CNBD1: variants seen among roughly 807,000 people sequenced by gnomAD.
CNBD1 encodes the protein cyclic nucleotide binding domain containing 1.
A neutral mutation model predicts 54.4 loss-of-function variants in CNBD1; 71 were observed. That is an observed-to-expected ratio of 1.30 (90% CI 1.08 to 1.59). The LOEUF (loss-of-function observed/expected upper bound fraction) is 1.59, where lower values mean the gene tolerates loss of function less well. Ranked by LOEUF, CNBD1 falls within the 40% of genes most tolerant of loss-of-function variation. The pLI, the probability that CNBD1 is intolerant of heterozygous loss-of-function variation, is 0.00. For synonymous variants in CNBD1, 182 were observed against 170.7 expected, an observed-to-expected ratio of 1.07 and a Z score of -0.51; for missense variants, 659 against 518.0, an observed-to-expected ratio of 1.27 and a Z score of -2.64.
rs895732546 is a variant in CNBD1, at chr8:87,279,311, A to C, written c.772-5367A>C. Reference sequence around the variant, plus strand: ...AAGTTAAAAGAGAACAAAATATAGAAAAATATTTGATTAGCTCAAAATTTA... The same window carrying C: ...AAGTTAAAAGAGAACAAAATATAGACAAATATTTGATTAGCTCAAAATTTA... On this transcript the variant is annotated intron_variant, in intron 6 of 10. Transcript: ENST00000518476. Among the ~76,000 whole-genome samples the C allele has an allele frequency of 2.6e-5, 4 of 151,664 alleles. No individual in the cohort carries two copies. The South Asian group carries it at 8.3e-4, about 31-fold the overall frequency.
At chr8:87,013,602 T>A (rs187636067) in intron 4 of CNBD1, among the ~76,000 whole-genome samples, 4 of 150,640 alleles carry the variant, frequency 2.7e-5, no homozygotes, top group African/African-American at 7.3e-5. Flanking sequence ...GATCTAACAG[T>A]TTTTTTTTCT....
chr8:87,173,131 A>G (rs1594520), intron 4 of CNBD1, among the ~76,000 whole-genome samples: 176 of 152,292 alleles, frequency 1.2e-3, no homozygotes, highest in African/African-American at 4.0e-3. Context: ...GCTTGGATAA[A>G]CATACAAATT....
intron 4 of CNBD1, among the ~76,000 whole-genome samples, chr8:87,117,694 CAA>C (rs1811803421): frequency 6.6e-6 from 1 of 152,134 alleles, no homozygotes; most frequent in Non-Finnish European, 1.5e-5. Context: ...AGATAAATTG[CAA>C]AGACTCAACT....
chr8:87,400,242 C>A (rs557217028), intron 2 of CNBD1, among the ~76,000 whole-genome samples: 1 of 151,792 alleles, frequency 6.6e-6, no homozygotes, highest in Non-Finnish European at 1.5e-5. Context: ...TGCATTTTTG[C>A]CATTACTTTT....
chr8:87,425,543 G>C (rs964762428), intron 2 of CNBD1, among the ~76,000 whole-genome samples: 1 of 152,076 alleles, frequency 6.6e-6, no homozygotes, highest in Non-Finnish European at 1.5e-5. Flanking sequence ...TAACACACAG[G>C]ACCCTCAGCT....
intron 4 of CNBD1, among the ~76,000 whole-genome samples, chr8:87,024,053 C>T (rs1009676487): frequency 2.8e-4 from 43 of 151,594 alleles, no homozygotes; most frequent in South Asian, 4.2e-4. Context: ...CTGGCTAACA[C>T]GGTGAAACCC....
intron 6 of CNBD1, among the ~76,000 whole-genome samples, chr8:87,250,582 T>G (rs1807895491): frequency 6.6e-6 from 1 of 152,214 alleles, no homozygotes; most frequent in Non-Finnish European, 1.5e-5. Flanking sequence ...TGAGTGTCCA[T>G]CAACCATTGA....
chr8:87,279,589 T>A (rs924283282), intron 6 of CNBD1, among the ~76,000 whole-genome samples: 2 of 151,394 alleles, frequency 1.3e-5, no homozygotes, highest in Non-Finnish European at 3.0e-5. Flanking sequence ...GTAGGCAAAG[T>A]AGATTTTATT....
In CNBD1 at chr8:87,156,417, T is replaced by C. The variant is rs139462633; in HGVS notation, c.432-49576T>C. On this transcript the variant is annotated intron_variant, in intron 4 of 10. Transcript: ENST00000518476. ...GTACCATCATACCCGGCTACATTTT[T>C]TTATTTTTAATAGAAGCGGATTTTG... is the stretch of plus-strand genomic sequence containing the variant. Among the ~76,000 whole-genome samples, 1,132 of 150,866 alleles carry C rather than the reference T, an allele frequency of 7.5e-3. 15 individuals carry two copies. Among genetic ancestry groups the C allele is most frequent in the African/African-American group, 0.026 (1,050 of 40,810 alleles).
downstream of CNBD1, among the ~76,000 whole-genome samples, chr8:87,387,302 C>G (rs151262142): frequency 3.9e-3 from 593 of 152,112 alleles, no homozygotes; most frequent in African/African-American, 0.013. Flanking sequence ...TTAAAAGACA[C>G]AGACTGGCAA....
chr8:87,390,481 C>T (rs998648697), intron 2 of CNBD1, among the ~76,000 whole-genome samples: 4 of 152,082 alleles, frequency 2.6e-5, no homozygotes, highest in African/African-American at 7.2e-5. Context: ...CCAAAAGAAA[C>T]ATGAAAAAAT....
intron 10 of CNBD1, among the ~76,000 whole-genome samples, chr8:87,376,286 G>A (rs1038506753): frequency 6.6e-5 from 10 of 151,774 alleles, no homozygotes; most frequent in African/African-American, 2.2e-4. Context: ...TACATTCCTG[G>A]TTTGCAAAAA....
At chr8:87,214,723 G>C (rs1814171532) in intron 5 of CNBD1, among the ~76,000 whole-genome samples, 1 of 152,194 alleles carries the variant, frequency 6.6e-6, no homozygotes, top group Non-Finnish European at 1.5e-5. Context: ...AGAGGGCAAA[G>C]TTGAAGCAAG....
At chr8:87,381,174 A>G (rs906268535) in intron 10 of CNBD1, among the ~76,000 whole-genome samples, 3 of 151,992 alleles carry the variant, frequency 2.0e-5, no homozygotes, top group Non-Finnish European at 4.4e-5. Flanking sequence ...ATAAGACAAT[A>G]TTCCATTTCA....
chr8:87,336,854 C>A (rs1809953748), intron 8 of CNBD1, among the ~76,000 whole-genome samples: 1 of 152,138 alleles, frequency 6.6e-6, no homozygotes, highest in Admixed American at 6.5e-5. Flanking sequence ...GTCTTTGAAG[C>A]TACTGACCCT....
At chr8:86,963,331 A>T (rs1807983034) in intron 4 of CNBD1, among the ~76,000 whole-genome samples, 1 of 152,144 alleles carries the variant, frequency 6.6e-6, no homozygotes, top group Admixed American at 6.5e-5. Flanking sequence ...ATGAAGCAGG[A>T]GGCCTAATTG....
At chr8:87,383,240 C>T (rs773521931), downstream of CNBD1, among the ~76,000 whole-genome samples, 3 of 151,908 alleles carry the variant, frequency 2.0e-5, no homozygotes, top group African/African-American at 4.8e-5. Context: ...AATAGAAATG[C>T]TACAATTTCA....
chr8:87,161,533 A>T (rs1412766378), intron 4 of CNBD1, among the ~76,000 whole-genome samples: 1 of 152,172 alleles, frequency 6.6e-6, no homozygotes, highest in Non-Finnish European at 1.5e-5. Context: ...ATAAATAGAG[A>T]AGGTGGACAG....
chr8:87,283,774 T>C (rs2130869090), intron 6 of CNBD1, among the ~76,000 whole-genome samples: 1 of 152,224 alleles, frequency 6.6e-6, no homozygotes, highest in African/African-American at 2.4e-5. Flanking sequence ...GCTCTCACCT[T>C]GCATGGCTCT....
Sources: gnomAD v4.1 joint callset for allele counts (sites outside exome capture counted in the v4.1 genomes callset) on GRCh38, gnomAD v4.1.1 for gene constraint, MANE v1.5 for transcripts, NCBI Gene and HGNC (gene_info 2026-07-23, HGNC 2026-07-21) for gene names.